CYB5R1: variants seen among roughly 807,000 people sequenced by gnomAD.
CYB5R1 encodes cytochrome b5 reductase 1.
In CYB5R1, 32 loss-of-function variants were observed where a neutral mutation model predicts 37.4. The ratio of observed to expected loss-of-function variants is 0.86; its 90% CI spans 0.65 to 1.15. The LOEUF is 1.15. Among genes scored for constraint, CYB5R1 ranks in the 50% most tolerant of loss-of-function variants. CYB5R1 has a pLI of 0.00. For synonymous variants in CYB5R1, 159 were observed against 155.2 expected (o/e 1.02, Z -0.18); for missense variants, 345 against 382.5 (o/e 0.90, Z 0.82).
In CYB5R1 at chr1:202,966,801, A is replaced by G; in HGVS notation, c.113T>C (p.Val38Ala). The change falls in exon 2 of 9, where the codon GTC becomes GCC. Residue 38 changes from valine (V) to alanine (A), a missense_variant. Val to Ala is a moderately conservative substitution (Grantham distance 64, BLOSUM62 0). Coordinates refer to ENST00000367249, the MANE Select transcript of CYB5R1 (RefSeq NM_016243.3). ...YLVRRSRRPQ[V>A]TLLDPNEKYL... The stretch of plus-strand genomic sequence containing the variant: ...CTTTTCATTGGGGTCCAGGAGAGTG[A>G]CCTGAGGCCGGCGGGACCTCCGAAC... 1 of 1,614,060 alleles carries G rather than the reference A, an allele frequency of 6.2e-7. No individual in the cohort carries two copies. The highest frequency in any genetic ancestry group is 8.5e-7 in the Non-Finnish European group (1 of 1,179,964).
At chr1:202,965,538 T>A in intron 4 of CYB5R1, 38 bp from the exon 5 acceptor site, 1 of 1,549,490 alleles carries the variant, frequency 6.5e-7, no homozygotes, top group Non-Finnish European at 8.7e-7. Flanking sequence ...ATTTGGAATG[T>A]CACTGGTTTC....
intron 3 of CYB5R1, 63 bp from the exon 4 acceptor site, chr1:202,966,056 T>G: frequency 9.3e-7 from 1 of 1,080,768 alleles, no homozygotes; most frequent in Non-Finnish European, 1.4e-6. Flanking sequence ...CTCAAAATAC[T>G]CAAAGAGATT....
Position 202,965,616 on chromosome 1 carries a change from G to A in CYB5R1, c.346-116C>T, listed in dbSNP as rs560542930. The A allele has an allele frequency of 1.7e-5, 19 of 1,133,122 alleles. 1 individual carries two copies. The highest frequency in any genetic ancestry group is 1.0e-4 in the Admixed American group (4 of 38,796). 70.2% of individuals were successfully genotyped at this position (1,133,122 alleles called of 1,614,324 possible). On this transcript the variant is annotated intron_variant, in intron 4 of 8. Coordinates refer to ENST00000367249, the MANE Select transcript of CYB5R1 (RefSeq NM_016243.3). The stretch of plus-strand genomic sequence containing the variant: ...ATCAGATATGTGCTATCTTTTCCCC[G>A]TCTACATACTTTCTTTCTTTCTTTT...
intron 1 of CYB5R1, 115 bp downstream of exon 1, chr1:202,967,076 G>T: frequency 6.9e-7 from 1 of 1,456,138 alleles, no homozygotes; most frequent in South Asian, 1.2e-5. Context: ...CATCCACGGT[G>T]GGCCCAGAGC....
intron 5 of CYB5R1, chr1:202,965,168 A>T: frequency 1.7e-6 from 1 of 588,694 alleles, no homozygotes. Flanking sequence ...ATGGCTAGGG[A>T]ATTCAAGTGG....
rs13107 is a variant in CYB5R1 at position 202,962,196 on chromosome 1, A to C, written c.*331T>G. 2.4e-5 allele frequency: 6 copies of C among 247,064 alleles called. No homozygotes were observed. The highest frequency in any genetic ancestry group is 3.8e-5 in the Non-Finnish European group (5 of 131,140). The allele number at this position is 247,064 out of a possible 1,614,324, so 15.3% of individuals were successfully genotyped here. ...TGTTCCTTTCATCACAGACACAAAG[A>C]AGGTGAGAGTAAGATGCTATCAAGG... On this transcript the variant is annotated 3_prime_UTR_variant, in exon 9 of 9. Transcript: ENST00000367249.
In CYB5R1 at chr1:202,967,185, T is replaced by G. The variant is rs1655114645; in HGVS notation, c.15+6A>C. On this transcript the variant is annotated splice_donor_region_variant and intron_variant, in intron 1 of 8. Coordinates refer to ENST00000367249, the MANE Select transcript of CYB5R1 (RefSeq NM_016243.3). ...CCCAGTGGAGGATACTGAATGAGGG[T>G]CTTACCGTCTGGATCCCCATGACGG... The G allele has an allele frequency of 6.2e-7, 1 of 1,610,250 alleles. No individual in the cohort carries two copies. Among genetic ancestry groups the G allele is most frequent in the Non-Finnish European group, 8.5e-7 (1 of 1,178,722 alleles).
rs1486084353 is a variant in CYB5R1 at position 202,962,849 on chromosome 1, C to T, written c.746-150G>A. On this transcript the variant is annotated intron_variant, in intron 8 of 8. Coordinates refer to ENST00000367249, the MANE Select transcript of CYB5R1 (RefSeq NM_016243.3). ...GGGAATGGGTATACTCAGCCTGCCT[C>T]AAGCTGAGCCTTAGCAGCACCGCCA... is the stretch of plus-strand genomic sequence containing the variant. 3.7e-6 allele frequency: 4 copies of T among 1,078,634 alleles called. No homozygotes were observed. The African/African-American group carries it at 4.7e-5, about 13-fold the overall frequency. The allele number at this position is 1,078,634 out of a possible 1,614,324, so 66.8% of individuals were successfully genotyped here.
chr1:202,966,656 C>T (rs1041086335), intron 2 of CYB5R1, 56 bp from the exon 3 acceptor site: 3 of 1,613,660 alleles, frequency 1.9e-6, no homozygotes, highest in Non-Finnish European at 2.5e-6. Flanking sequence ...TGCCACGTCC[C>T]TTGGACATCC....
At chr1:202,962,849 C>G (rs1486084353) in intron 8 of CYB5R1, 150 bp from the exon 9 acceptor site, 11 of 1,078,634 alleles carry the variant, frequency 1.0e-5, no homozygotes, top group Non-Finnish European at 1.5e-5. Flanking sequence ...CAGCCTGCCT[C>G]AAGCTGAGCC....
In CYB5R1 at chr1:202,967,024, TGGC is replaced by T; in HGVS notation, c.16-129_16-127del. 2.1e-6 allele frequency: 3 copies of T among 1,437,326 alleles called. No homozygotes were observed. In the South Asian group the frequency reaches 3.9e-5, roughly 19 times the overall value. The allele number at this position is 1,437,326 out of a possible 1,614,324, so 89.0% of individuals were successfully genotyped here. ...GCATGCCAAGGGCAGAGGGGTAACC[TGGC>T]GGAGTCCCGAGCCCGGATGTGCGGG... On this transcript the variant is annotated intron_variant, in intron 1 of 8. Coordinates refer to ENST00000367249, the MANE Select transcript of CYB5R1 (RefSeq NM_016243.3).
chr1:202,964,430 T>C (rs1365911193), intron 6 of CYB5R1, 182 bp downstream of exon 6: 2 of 596,344 alleles, frequency 3.4e-6, no homozygotes, highest in African/African-American at 3.7e-5. Flanking sequence ...CAGTTAAAAT[T>C]TTTTTTGGTT....
intron 7 of CYB5R1, 122 bp downstream of exon 7, chr1:202,963,520 G>C (rs1655033977): frequency 1.5e-6 from 1 of 676,120 alleles, no homozygotes; most frequent in African/African-American, 1.8e-5. Context: ...GTGCCTTACA[G>C]AGGGGACCTT....
At position 202,963,956 on chromosome 1, in the gene CYB5R1, TA is replaced by T. The variant is rs531971038; in HGVS notation, c.560-230del. 56 of 429,360 alleles carry T rather than the reference TA, an allele frequency of 1.3e-4. No individual in the cohort carries two copies. The Middle Eastern group carries it at 1.8e-3, about 14-fold the overall frequency. The allele number at this position is 429,360 out of a possible 1,614,324, so 26.6% of individuals were successfully genotyped here. On this transcript the variant is annotated intron_variant, in intron 6 of 8. Coordinates refer to ENST00000367249, the MANE Select transcript of CYB5R1 (RefSeq NM_016243.3). The stretch of plus-strand genomic sequence containing the variant: ...TATTGTAGAAATCTTTCTTAGGAAC[TA>T]ATCTAAGACTCTTCTGAAAGTCCTT...
chr1:202,966,057 CAA>C, intron 3 of CYB5R1, 64 bp from the exon 4 acceptor site: 7 of 1,082,512 alleles, frequency 6.5e-6, no homozygotes, highest in Admixed American at 1.9e-5. Flanking sequence ...TCAAAATACT[CAA>C]AGAGATTTGA....
chr1:202,964,712 A>G lies in CYB5R1; in HGVS notation c.476-17T>C. The G allele has an allele frequency of 6.3e-7, 1 of 1,575,558 alleles. No individual in the cohort carries two copies. The highest frequency in any genetic ancestry group is 8.7e-7 in the Non-Finnish European group (1 of 1,144,752). On this transcript the variant is annotated splice_polypyrimidine_tract_variant and intron_variant, in intron 5 of 8. Transcript: ENST00000367249. ...TAAAATGCCCTGAGAGGTCAGGTGAAGAGAGCAGTGGAAGAATAAAGTCAA... is the reference window on the plus strand; with the variant it reads ...TAAAATGCCCTGAGAGGTCAGGTGAGGAGAGCAGTGGAAGAATAAAGTCAA...
intron 6 of CYB5R1, 51 bp downstream of exon 6, chr1:202,964,561 C>T: frequency 1.4e-6 from 2 of 1,387,512 alleles, no homozygotes; most frequent in Non-Finnish European, 2.1e-6. Context: ...TAGGAATTTG[C>T]ATGGCAACAG....
At position 202,962,493 on chromosome 1, in the gene CYB5R1, T is replaced by A; in HGVS notation, c.*34A>T. 6.4e-7 allele frequency: 1 copy of A among 1,567,966 alleles called. No individual in the cohort carries two copies. ...TGCTTGAGTACTGATGGGGAACAAC[T>A]GCAGCGAACAGCACCAGGGAAGCTG... On this transcript the variant is annotated 3_prime_UTR_variant, in exon 9 of 9. Coordinates refer to ENST00000367249, the MANE Select transcript of CYB5R1 (RefSeq NM_016243.3).
At position 202,962,407 on chromosome 1, in the gene CYB5R1, T is replaced by C; in HGVS notation, c.*120A>G. On this transcript the variant is annotated 3_prime_UTR_variant, in exon 9 of 9. Transcript: ENST00000367249. ...TGTTCCTGCAGGTACTATCCAGATT[T>C]CAGCTCTAGATGTAACTGAAAAAAC... 1 of 1,233,320 alleles carries C rather than the reference T, an allele frequency of 8.1e-7. No homozygotes were observed. Among genetic ancestry groups the C allele is most frequent in the Non-Finnish European group, 1.1e-6 (1 of 884,988 alleles). The allele number at this position is 1,233,320 out of a possible 1,614,324, so 76.4% of individuals were successfully genotyped here. A position where few individuals can be genotyped will look rare whatever the true frequency, so the allele number is the denominator to read the frequency against.
Sources: gnomAD v4.1 joint callset for allele counts on GRCh38, gnomAD v4.1.1 for gene constraint, MANE v1.5 for transcripts, NCBI Gene and HGNC (gene_info 2026-07-23, HGNC 2026-07-21) for gene names.